Variants in ARHGAP10 observed in about 807,000 individuals in gnomAD.
ARHGAP10 encodes the protein rho GTPase-activating protein 10.
Under a neutral mutation model 108.6 loss-of-function variants are expected in ARHGAP10, and 87 were observed. That is an observed-to-expected ratio of 0.80 (90% CI 0.67 to 0.96). The LOEUF is 0.96. Among genes scored for constraint, ARHGAP10 ranks in the 40% least tolerant of loss-of-function variants. The pLI is 0.00. For synonymous variants in ARHGAP10, 347 were observed against 341.1 expected (o/e 1.02, Z -0.19); for missense variants, 939 against 954.5 (o/e 0.98, Z 0.21).
At position 147,773,641 on chromosome 4, in the gene ARHGAP10, A is replaced by T. The variant is rs575830788; in HGVS notation, c.154+41186A>T. On this transcript the variant is annotated intron_variant, in intron 1 of 22. Transcript: ENST00000336498. The stretch of plus-strand genomic sequence containing the variant: ...ATGTCATAAGGATTTAAAAACAGTT[A>T]TCTGTTTTTCGTGGGCAGAACTTAA... Among the ~76,000 whole-genome samples, 7 of 152,326 alleles carry T rather than the reference A, an allele frequency of 4.6e-5. No individual in the cohort carries two copies. In the South Asian group the frequency reaches 1.5e-3, roughly 32 times the overall value.
chr4:148,064,365 C>T (rs1328644410), intron 21 of ARHGAP10, 51 bp from the exon 22 acceptor site: 10 of 1,562,836 alleles, frequency 6.4e-6, no homozygotes, highest in South Asian at 1.1e-5. Flanking sequence ...TGAAGTTTCT[C>T]TCTGTTTTCC....
intron 10 of ARHGAP10, among the ~76,000 whole-genome samples, chr4:147,902,887 G>A (rs1736306828): frequency 7.2e-6 from 1 of 139,400 alleles, no homozygotes; most frequent in Non-Finnish European, 1.5e-5. Context: ...TACATGGCCA[G>A]ATCAGGGGGA....
rs1007526661 is a variant in ARHGAP10 at position 147,952,967 on chromosome 4, T to C, written c.1392-2349T>C. Among the ~76,000 whole-genome samples, 5 of 152,040 alleles carry C rather than the reference T, an allele frequency of 3.3e-5. No homozygotes were observed. In the South Asian group the frequency reaches 1.0e-3, roughly 32 times the overall value. On this transcript the variant is annotated intron_variant, in intron 15 of 22. Coordinates refer to ENST00000336498, the MANE Select transcript of ARHGAP10 (RefSeq NM_024605.4). ...GTATGAATTCAAGTTCATTTTTGCA[T>C]AGGGATCTCCAGTAGTTCTAGTACG...
chr4:147,736,684 T>C (rs1578981923), intron 1 of ARHGAP10, among the ~76,000 whole-genome samples: 2 of 152,362 alleles, frequency 1.3e-5, no homozygotes, highest in South Asian at 2.1e-4. Context: ...TTCAGGGTAA[T>C]TCTGATTAAT....
chr4:148,063,399 G>T, intron 21 of ARHGAP10, 99 bp downstream of exon 21: 1 of 1,481,064 alleles, frequency 6.8e-7, no homozygotes, highest in Admixed American at 2.0e-5. Flanking sequence ...GCAAAAGCTT[G>T]CCCAGATACC....
chr4:147,786,695 T>C (rs1023606287), intron 1 of ARHGAP10, among the ~76,000 whole-genome samples: 3 of 152,226 alleles, frequency 2.0e-5, no homozygotes, highest in Non-Finnish European at 2.9e-5. Context: ...TGGGATGGCA[T>C]AGATTAGTTT....
At chr4:147,970,512 C>T (rs1025853352) in intron 18 of ARHGAP10, among the ~76,000 whole-genome samples, 2 of 151,960 alleles carry the variant, frequency 1.3e-5, no homozygotes, top group Non-Finnish European at 1.5e-5. Flanking sequence ...CTCTGACAGG[C>T]GAAAAATGGC....
intron 19 of ARHGAP10, among the ~76,000 whole-genome samples, chr4:148,045,517 G>A (rs538025090): frequency 5.7e-4 from 86 of 151,990 alleles, no homozygotes; most frequent in African/African-American, 2.1e-3. Context: ...TGAGGCAGGC[G>A]GATCACCTGA....
intron 12 of ARHGAP10, among the ~76,000 whole-genome samples, chr4:147,912,527 CAAAA>C (rs1433093869): frequency 1.7e-5 from 2 of 119,928 alleles, no homozygotes; most frequent in East Asian, 2.4e-4. Flanking sequence ...AAAACAAAAA[CAAAA>C]AACAAACAAA....
intron 3 of ARHGAP10, among the ~76,000 whole-genome samples, chr4:147,844,967 C>T (rs775431730): frequency 5.3e-5 from 8 of 152,174 alleles, no homozygotes; most frequent in Non-Finnish European, 8.8e-5. Context: ...TAACCTTTCC[C>T]AGAGCCCACA....
rs149794924 is a variant in ARHGAP10 at position 148,013,685 on chromosome 4, C to T, written c.1717-9578C>T. On this transcript the variant is annotated intron_variant, in intron 18 of 22. Coordinates refer to ENST00000336498, the MANE Select transcript of ARHGAP10 (RefSeq NM_024605.4). Reference sequence around the variant, plus strand: ...CCTGGGTGACAGAGCGAGACTCCATCTCAAAAAAAAGGAAAAGTTACTCTA... The same window carrying T: ...CCTGGGTGACAGAGCGAGACTCCATTTCAAAAAAAAGGAAAAGTTACTCTA... 5.0e-3 allele frequency among the ~76,000 whole-genome samples: 760 copies of T among 151,848 alleles called. 4 individuals carry two copies. The highest frequency in any genetic ancestry group is 0.016 in the African/African-American group (656 of 41,358).
chr4:147,980,577 C>T (rs1739773847), intron 18 of ARHGAP10, among the ~76,000 whole-genome samples: 4 of 152,010 alleles, frequency 2.6e-5, no homozygotes, highest in Admixed American at 2.6e-4. Flanking sequence ...GGATTCCCTC[C>T]TCTATTTTTT....
At chr4:147,955,164 A>G (rs1738741998) in intron 15 of ARHGAP10, 152 bp from the exon 16 acceptor site, 2 of 711,132 alleles carry the variant, frequency 2.8e-6, no homozygotes, top group Middle Eastern at 3.3e-4. Flanking sequence ...TGATCCGTTT[A>G]TGTATCTTTT....
intron 18 of ARHGAP10, among the ~76,000 whole-genome samples, chr4:148,009,216 T>C (rs1272316268): frequency 1.3e-5 from 2 of 151,972 alleles, no homozygotes; most frequent in Non-Finnish European, 2.9e-5. Flanking sequence ...CTGCAACCTC[T>C]GGCCTCCCAG....
At chr4:147,873,722 A>ACACACACACACACACACACACTCT (rs775092505) in intron 7 of ARHGAP10, among the ~76,000 whole-genome samples, 2 of 144,340 alleles carry the variant, frequency 1.4e-5, no homozygotes, top group African/African-American at 5.2e-5. Flanking sequence ...ACACACACAC[A>ACACACACACACACACACACACTCT]CTCTTGGCCT....
chr4:147,923,768 T>C (rs1021974118), intron 13 of ARHGAP10, among the ~76,000 whole-genome samples: 2 of 152,370 alleles, frequency 1.3e-5, no homozygotes, highest in South Asian at 4.1e-4. Flanking sequence ...CAGAGCACTT[T>C]AGAATTGTAT....
At chr4:148,070,120 C>G (rs1232341087) in intron 22 of ARHGAP10, among the ~76,000 whole-genome samples, 1 of 152,228 alleles carries the variant, frequency 6.6e-6, no homozygotes, top group Non-Finnish European at 1.5e-5. Context: ...GTTACATGCT[C>G]TCATAGTCTG....
At position 147,906,701 on chromosome 4, in the gene ARHGAP10, T is replaced by G; in HGVS notation, c.1098T>G (p.Ala366=). Residue 366 remains alanine, a synonymous_variant, in exon 11 of 23, where the codon GCT becomes GCG. Transcript: ENST00000336498. Reference sequence around the variant, plus strand: ...AGGAAAGGAAGCAGTGGTTGGAAGCTCTGGGTGGAAAGGAAGCTGTAAGAA... The same window carrying G: ...AGGAAAGGAAGCAGTGGTTGGAAGCGCTGGGTGGAAAGGAAGCTGTAAGAA... ...SEEERKQWLE[A]LGGKEALSHS... is the part of the protein sequence containing the mutation. The G allele has an allele frequency of 6.2e-7, 1 of 1,614,162 alleles. No individual in the cohort carries two copies. Among genetic ancestry groups the G allele is most frequent in the Non-Finnish European group, 8.5e-7 (1 of 1,180,010 alleles).
chr4:147,913,194 A>C, intron 13 of ARHGAP10, 55 bp downstream of exon 13: 1 of 1,497,896 alleles, frequency 6.7e-7, no homozygotes, highest in South Asian at 1.1e-5. Context: ...TAAAATCTAA[A>C]AGTCATTAAA....
Sources: allele counts gnomAD v4.1 joint callset (sites outside exome capture counted in the v4.1 genomes callset), GRCh38; gene constraint gnomAD v4.1.1; transcripts MANE v1.5; gene names NCBI Gene and HGNC (gene_info 2026-07-23, HGNC 2026-07-21).